ARHGEF4: variants seen among roughly 807,000 people sequenced by gnomAD.
ARHGEF4 encodes the protein Rho guanine nucleotide exchange factor 4, also known as APC-stimulated guanine nucleotide exchange factor 1.
In ARHGEF4, 119 loss-of-function variants were observed where a neutral mutation model predicts 162.0. That is an observed-to-expected ratio of 0.73 (90% confidence interval 0.63 to 0.86). The LOEUF is 0.86. Among genes scored for constraint, ARHGEF4 ranks in the 40% least tolerant of loss-of-function variants. The pLI is 0.00. For synonymous variants in ARHGEF4, 1,014 were observed against 979.9 expected, an observed-to-expected ratio of 1.03 and a Z score of -0.65; for missense variants, 2,488 against 2,456.0, an observed-to-expected ratio of 1.01 and a Z score of -0.28.
Position 130,916,943 on chromosome 2 carries a change from T to C in ARHGEF4, c.2997T>C (p.Val999=). The C allele has an allele frequency of 6.4e-7, 1 of 1,550,660 alleles. No homozygotes were observed. The highest frequency in any genetic ancestry group is 8.7e-7 in the Non-Finnish European group (1 of 1,147,026). ...EERAEDKEGY[V]FSDHWAPPLA... is the part of the protein sequence containing the mutation. ...GGGCGGAGGACAAAGAGGGCTATGTTTTTAGCGATCACTGGGCACCCCCAC... is the reference window on the plus strand; with the variant it reads ...GGGCGGAGGACAAAGAGGGCTATGTCTTTAGCGATCACTGGGCACCCCCAC... Residue 999 remains valine, a synonymous_variant, in exon 2 of 14, where the codon GTT becomes GTC. Transcript: ENST00000409359.
At chr2:131,043,344 C>T (rs970391501) in intron 10 of ARHGEF4, 108 bp from the exon 11 acceptor site, 76 of 1,493,460 alleles carry the variant, frequency 5.1e-5, no homozygotes, top group Admixed American at 1.2e-4. Flanking sequence ...CAGGTGGGCG[C>T]TGCAGGCAAG....
At chr2:130,968,256 G>A (rs1558783238) in intron 4 of ARHGEF4, among the ~76,000 whole-genome samples, 1 of 152,164 alleles carries the variant, frequency 6.6e-6, no homozygotes, top group Non-Finnish European at 1.5e-5. Flanking sequence ...TTTGGAATTT[G>A]TAGTGTTTAA....
At chr2:130,971,348 A>G (rs935488922) in intron 4 of ARHGEF4, among the ~76,000 whole-genome samples, 6 of 151,922 alleles carry the variant, frequency 3.9e-5, no homozygotes, top group African/African-American at 1.2e-4. Flanking sequence ...TTGCCTTTTC[A>G]TATACATTTT....
At chr2:130,907,249 G>GTCAC (rs1680873613) in intron 1 of ARHGEF4, among the ~76,000 whole-genome samples, 5 of 135,054 alleles carry the variant, frequency 3.7e-5, no homozygotes, top group South Asian at 2.6e-4. Context: ...GTCTCGCTCT[G>GTCAC]GAGACTGGAG....
chr2:131,045,370 C>A lies in ARHGEF4; in HGVS notation c.5403C>A (p.Gly1801=). The A allele has an allele frequency of 1.2e-6, 2 of 1,612,650 alleles. No homozygotes were observed. Among genetic ancestry groups the A allele is most frequent in the Middle Eastern group, 1.7e-4 (1 of 6,050 alleles). Residue 1801 remains glycine (G), a splice_region_variant and synonymous_variant, in exon 13 of 14, where the codon GGC becomes GGA. Coordinates refer to ENST00000409359, the MANE Select transcript of ARHGEF4 (RefSeq NM_001367493.1). The stretch of plus-strand genomic sequence containing the variant: ...CCCTCACCTGTGCCCCTTCCTCAGG[C>A]TTCTCCATCACTGAACTGCAGAGGA... ...REQVQLDQET[G]FSITELQRKQ... is the part of the protein sequence containing the mutation.
At chr2:131,007,806 T>A (rs945057149) in intron 4 of ARHGEF4, among the ~76,000 whole-genome samples, 1 of 128,046 alleles carries the variant, frequency 7.8e-6, no homozygotes, top group Non-Finnish European at 1.7e-5. Flanking sequence ...TTTTCTTTTT[T>A]TTTTTTTTTT....
intron 2 of ARHGEF4, among the ~76,000 whole-genome samples, chr2:130,926,048 C>CTTTCTTTCTCTTTCTTTCTT: frequency 0.015 from 789 of 53,334 alleles, 9 homozygotes; most frequent in South Asian, 0.036. Flanking sequence ...TTCTTTCTTT[C>CTTTCTTTCTCTTTCTTTCTT]TCTTTCTTTC....
chr2:130,855,675 C>T (rs536758287), intron 1 of ARHGEF4, among the ~76,000 whole-genome samples: 1 of 152,248 alleles, frequency 6.6e-6, no homozygotes, highest in South Asian at 2.1e-4. Flanking sequence ...CTCAGGCAGA[C>T]CAAAGAAGGC....
At chr2:131,017,586 A>T (rs1470886015) in intron 4 of ARHGEF4, among the ~76,000 whole-genome samples, 1 of 152,124 alleles carries the variant, frequency 6.6e-6, no homozygotes, top group Non-Finnish European at 1.5e-5. Context: ...AAAAGTAGTG[A>T]CTCCTACAAG....
At chr2:130,958,364 T>G (rs946986186) in intron 4 of ARHGEF4, among the ~76,000 whole-genome samples, 1 of 152,026 alleles carries the variant, frequency 6.6e-6, no homozygotes, top group African/African-American at 2.4e-5. Context: ...TTGATTTTCT[T>G]GAATGGATGT....
Position 130,866,258 on chromosome 2 carries a change from A to G in ARHGEF4, c.39+29266A>G, listed in dbSNP as rs557409416. 3.3e-5 allele frequency among the ~76,000 whole-genome samples: 5 copies of G among 152,268 alleles called. No homozygotes were observed. The East Asian group carries it at 7.7e-4, about 24-fold the overall frequency. Reference sequence around the variant, plus strand: ...AAAATAGCTAGGTGTGGTGGCATGCATCTGTAATCCAGCTACTCGGGAGAC... The same window carrying G: ...AAAATAGCTAGGTGTGGTGGCATGCGTCTGTAATCCAGCTACTCGGGAGAC... On this transcript the variant is annotated intron_variant, in intron 1 of 13. Transcript: ENST00000409359.
In ARHGEF4 at chr2:131,041,352, G is replaced by A. The variant is rs1558896944; in HGVS notation, c.4785G>A (p.Gln1595=). The A allele has an allele frequency of 6.2e-7, 1 of 1,613,646 alleles. No individual in the cohort carries two copies. The highest frequency in any genetic ancestry group is 1.1e-5 in the South Asian group (1 of 91,090). Reference sequence around the variant, plus strand: ...TCTTCGAGGCCTGCCGGCTGCTGCAGAAGATGATTGACATCTCCCTGGATG... The same window carrying A: ...TCTTCGAGGCCTGCCGGCTGCTGCAAAAGATGATTGACATCTCCCTGGATG... ...VYFFEACRLL[Q]KMIDISLDGF... Residue 1595 remains glutamine, a synonymous_variant, in exon 9 of 14, where the codon CAG becomes CAA. Coordinates refer to ENST00000409359, the MANE Select transcript of ARHGEF4 (RefSeq NM_001367493.1).
At chr2:130,907,673 T>G (rs187044878) in intron 1 of ARHGEF4, among the ~76,000 whole-genome samples, 2 of 151,718 alleles carry the variant, frequency 1.3e-5, no homozygotes, top group Non-Finnish European at 2.9e-5. Context: ...GTATATTGAG[T>G]CCAGGTGCGG....
chr2:130,979,460 G>A (rs1685967303), intron 4 of ARHGEF4, among the ~76,000 whole-genome samples: 1 of 152,108 alleles, frequency 6.6e-6, no homozygotes, highest in African/African-American at 2.4e-5. Context: ...AATTGGCCAG[G>A]CGTGATGGCT....
Position 130,914,065 on chromosome 2 carries a change from T to C in ARHGEF4, c.119T>C (p.Val40Ala), listed in dbSNP as rs1681350888. The change falls in exon 2 of 14, where the codon GTG becomes GCG. Residue 40 changes from valine (V) to alanine (A), a missense_variant. By Grantham distance (64) the Val-to-Ala change is moderately conservative. Around this residue, in one of 6 missense-constraint regions of ARHGEF4, gnomAD observed 171 missense variants for 169.4 expected, o/e 1.01. Coordinates refer to ENST00000409359, the MANE Select transcript of ARHGEF4 (RefSeq NM_001367493.1). ...CTCCCCACATCCCCTGCAGAACAAGTGGAGCAGGGATGGAACCAGCAAACA... is the reference window on the plus strand; with the variant it reads ...CTCCCCACATCCCCTGCAGAACAAGCGGAGCAGGGATGGAACCAGCAAACA... ...NQLPTSPAEQ[V>A]EQGWNQQTDR... 3.3e-6 allele frequency: 5 copies of C among 1,536,006 alleles called. No homozygotes were observed. Among genetic ancestry groups the C allele is most frequent in the Non-Finnish European group, 4.4e-6 (5 of 1,146,880 alleles).
chr2:131,007,727 CT>C, intron 4 of ARHGEF4, among the ~76,000 whole-genome samples: 1 of 140,898 alleles, frequency 7.1e-6, no homozygotes, highest in East Asian at 2.2e-4. Context: ...TTGTAAGCTA[CT>C]TTTTAATTTA....
At chr2:130,906,621 C>G (rs1680825086) in intron 1 of ARHGEF4, among the ~76,000 whole-genome samples, 1 of 152,132 alleles carries the variant, frequency 6.6e-6, no homozygotes, top group Non-Finnish European at 1.5e-5. Flanking sequence ...GCGAACCAGC[C>G]CTCGTATACA....
chr2:130,889,373 T>A (rs1318408140), intron 1 of ARHGEF4, among the ~76,000 whole-genome samples: 1 of 152,078 alleles, frequency 6.6e-6, no homozygotes, highest in Non-Finnish European at 1.5e-5. Context: ...CATGTGCATA[T>A]TTATTTAGTC....
intron 4 of ARHGEF4, among the ~76,000 whole-genome samples, chr2:130,991,207 G>T (rs1686931390): frequency 1.3e-5 from 2 of 152,248 alleles, no homozygotes; most frequent in Non-Finnish European, 2.9e-5. Context: ...AGATGTATGG[G>T]TGGGGGCAGA....
Sources: allele counts gnomAD v4.1 joint callset (sites outside exome capture counted in the v4.1 genomes callset), GRCh38; gene constraint gnomAD v4.1.1; regional missense constraint gnomAD v4.1.1; transcripts MANE v1.5; gene names NCBI Gene and HGNC (gene_info 2026-07-23, HGNC 2026-07-21).